The following CADM2 variants were observed in gnomAD, a reference collection of about 807,000 sequenced individuals.
The protein encoded by CADM2 is immunoglobulin superfamily member 4D.
In CADM2, 12 loss-of-function variants were observed where a neutral mutation model predicts 49.8. The observed-to-expected ratio is 0.24, with a 90% CI of 0.15 to 0.39. The LOEUF (loss-of-function observed/expected upper bound fraction) is 0.39. CADM2 is among the 10% of genes least tolerant of loss of function. The probability of loss-of-function intolerance (pLI) is 1.00; values close to 1 mark genes in which losing one functional copy is unlikely to be tolerated. For missense variants in CADM2, 378 were observed against 492.3 expected (o/e 0.77, Z 2.20); for synonymous variants, 214 against 175.4 (o/e 1.22, Z -1.74).
intron 1 of CADM2, among the ~76,000 whole-genome samples, chr3:85,528,463 G>A (rs17022915): frequency 0.3 from 45,087 of 152,010 alleles, 7,940 homozygotes; most frequent in East Asian, 0.55. Flanking sequence ...CATGACACTC[G>A]ACAATATTGT....
chr3:84,959,481 G>GCGGTGGGGA lies in CADM2; in HGVS notation c.-119_-111dup, dbSNP rs2030226879. On this transcript the variant is annotated 5_prime_UTR_variant, in exon 1 of 10. Coordinates refer to ENST00000383699, the MANE Select transcript of CADM2 (RefSeq NM_001167675.2). ...CGAGTCCGCGGGTTCGAACACCGCA[G>GCGGTGGGGA]CGGTGGGGACGGTGGGTCCGGCGGG... 2.3e-6 allele frequency: 2 copies of GCGGTGGGGA among 887,812 alleles called. No individual in the cohort carries two copies. The highest frequency in any genetic ancestry group is 2.4e-5 in the Admixed American group (1 of 42,498). 55.0% of individuals were successfully genotyped at this position (887,812 alleles called of 1,614,324 possible).
In CADM2 at chr3:85,979,553, A is replaced by G. The variant is rs538848915; in HGVS notation, c.970+17906A>G. ...GGACTTTAAAATGTTGGTCAAATTT[A>G]AAATGTTAGCATGGGACACAGTTTT... On this transcript the variant is annotated intron_variant, in intron 8 of 9. Coordinates refer to ENST00000383699, the MANE Select transcript of CADM2 (RefSeq NM_001167675.2). Among the ~76,000 whole-genome samples the G allele has an allele frequency of 2.5e-4, 38 of 151,758 alleles. No homozygotes were observed. In the South Asian group the frequency reaches 7.7e-3, roughly 31 times the overall value.
chr3:85,754,704 AAAC>A (rs1229763931), intron 2 of CADM2, among the ~76,000 whole-genome samples: 1 of 151,042 alleles, frequency 6.6e-6, no homozygotes, highest in East Asian at 2.0e-4. Context: ...AACAAAAAGA[AAAC>A]AATAATAATA....
chr3:85,558,384 C>T (rs765653569), intron 1 of CADM2, among the ~76,000 whole-genome samples: 4 of 151,888 alleles, frequency 2.6e-5, no homozygotes, highest in African/African-American at 7.2e-5. Context: ...TAGTAATTAT[C>T]GTGTTGATTC....
At chr3:85,188,518 A>C (rs1037079154) in intron 1 of CADM2, among the ~76,000 whole-genome samples, 1 of 152,108 alleles carries the variant, frequency 6.6e-6, no homozygotes, top group Non-Finnish European at 1.5e-5. Flanking sequence ...AATTTATTCT[A>C]TTGATATATA....
chr3:85,286,749 CA>C (rs2043642992), intron 1 of CADM2, among the ~76,000 whole-genome samples: 1 of 152,110 alleles, frequency 6.6e-6, no homozygotes, highest in Admixed American at 6.6e-5. Flanking sequence ...AGATTGCCAT[CA>C]GTAGACTTAA....
In CADM2 at chr3:85,057,174, C is replaced by T. The variant is rs537717564; in HGVS notation, c.61+97506C>T. 2.0e-4 allele frequency among the ~76,000 whole-genome samples: 30 copies of T among 152,262 alleles called. No homozygotes were observed. In the South Asian group the frequency reaches 6.2e-3, roughly 32 times the overall value. On this transcript the variant is annotated intron_variant, in intron 1 of 9. Coordinates refer to ENST00000383699, the MANE Select transcript of CADM2 (RefSeq NM_001167675.2). ...TGTGAGTACACTTATTATGCACAAA[C>T]ATGCTCACCCATCAAATCTAAGAAA...
chr3:85,880,465 A>AT (rs1240208605), intron 3 of CADM2, among the ~76,000 whole-genome samples: 2 of 151,902 alleles, frequency 1.3e-5, no homozygotes, highest in African/African-American at 2.4e-5. Flanking sequence ...TTTGAAAAAT[A>AT]TTTTTTCTTT....
At chr3:85,463,612 T>C (rs2038353809) in intron 1 of CADM2, among the ~76,000 whole-genome samples, 1 of 152,168 alleles carries the variant, frequency 6.6e-6, no homozygotes, top group Non-Finnish European at 1.5e-5. Flanking sequence ...TGTGTACATA[T>C]GAGTGAAAAA....
chr3:85,707,932 A>G (rs1165657124), intron 1 of CADM2, among the ~76,000 whole-genome samples: 32 of 152,196 alleles, frequency 2.1e-4, no homozygotes, highest in Non-Finnish European at 1.5e-5. Context: ...GGCTTTTTGG[A>G]GAGCTTATCT....
intron 1 of CADM2, among the ~76,000 whole-genome samples, chr3:85,451,981 A>G (rs1424148660): frequency 6.6e-6 from 1 of 152,134 alleles, no homozygotes; most frequent in East Asian, 1.9e-4. Flanking sequence ...CTCTCGGGCA[A>G]GTCTATATGA....
chr3:85,372,874 A>C (rs775978717), intron 1 of CADM2, among the ~76,000 whole-genome samples: 22 of 152,202 alleles, frequency 1.4e-4, no homozygotes, highest in African/African-American at 5.1e-4. Context: ...AGACTTATTT[A>C]CTATCATGAG....
intron 1 of CADM2, among the ~76,000 whole-genome samples, chr3:85,544,214 T>A (rs2061611199): frequency 6.6e-6 from 1 of 152,134 alleles, no homozygotes; most frequent in African/African-American, 2.4e-5. Context: ...GTTGGACCAA[T>A]ATGCAAGTAT....
chr3:85,865,140 G>C (rs939890804), intron 3 of CADM2, among the ~76,000 whole-genome samples: 1 of 152,296 alleles, frequency 6.6e-6, no homozygotes, highest in East Asian at 1.9e-4. Context: ...CCACAGCCCA[G>C]GTGGTGTGAA....
At chr3:85,587,407 C>T (rs1390465206) in intron 1 of CADM2, among the ~76,000 whole-genome samples, 2 of 151,944 alleles carry the variant, frequency 1.3e-5, no homozygotes, top group African/African-American at 4.8e-5. Flanking sequence ...ATAGGTAGCA[C>T]CTTATCCTTA....
chr3:85,828,820 C>T (rs563976372), intron 3 of CADM2, among the ~76,000 whole-genome samples: 1 of 151,972 alleles, frequency 6.6e-6, no homozygotes, highest in African/African-American at 2.4e-5. Flanking sequence ...GACCATGTAA[C>T]CAGCTTTTGC....
chr3:86,038,238 C>A (rs968279304), intron 8 of CADM2, among the ~76,000 whole-genome samples: 1 of 152,156 alleles, frequency 6.6e-6, no homozygotes, highest in African/African-American at 2.4e-5. Flanking sequence ...TGTGTTAAAT[C>A]CATGAAGTTA....
intron 8 of CADM2, among the ~76,000 whole-genome samples, chr3:86,039,607 C>A (rs544948728): frequency 1.3e-5 from 2 of 152,298 alleles, no homozygotes; most frequent in East Asian, 3.9e-4. Context: ...GGGTGGAGCC[C>A]ACTGCAGCTC....
intron 1 of CADM2, among the ~76,000 whole-genome samples, chr3:85,508,837 A>G (rs200236949): frequency 6.7e-6 from 1 of 149,930 alleles, no homozygotes; most frequent in Non-Finnish European, 1.5e-5. Flanking sequence ...CTGTGTGTGT[A>G]TGTGTGTGTG....
Sources: allele counts gnomAD v4.1 joint callset (sites outside exome capture counted in the v4.1 genomes callset), GRCh38; gene constraint gnomAD v4.1.1; transcripts MANE v1.5; gene names NCBI Gene and HGNC (gene_info 2026-07-23, HGNC 2026-07-21).